METTL15: variants seen among roughly 807,000 people sequenced by gnomAD.
METTL15 encodes the protein methyltransferase 15, mitochondrial 12S rRNA N4-cytidine, also known as 12S rRNA N(4)-cytidine methyltransferase METTL15.
METTL15 carries 34 observed loss-of-function variants against 38.3 expected under a neutral mutation model. That is an observed-to-expected ratio of 0.89 (90% CI 0.68 to 1.18). The LOEUF is 1.18. Among genes scored for constraint, METTL15 ranks in the 50% most tolerant of loss-of-function variants. The pLI, the probability that METTL15 is intolerant of heterozygous loss-of-function variation, is 0.00. For missense variants in METTL15, 438 were observed against 498.4 expected, an observed-to-expected ratio of 0.88 and a Z score of 1.15; for synonymous variants, 162 against 170.9, an observed-to-expected ratio of 0.95 and a Z score of 0.41.
At chr11:28,467,408 C>T (rs970513169) in intron 6 of METTL15, among the ~76,000 whole-genome samples, 7 of 152,234 alleles carry the variant, frequency 4.6e-5, no homozygotes, top group African/African-American at 1.7e-4. Flanking sequence ...AGCTCCCAGG[C>T]CTTCGACAAG....
intron 6 of METTL15, among the ~76,000 whole-genome samples, chr11:28,493,620 C>T (rs1177920155): frequency 1.3e-5 from 2 of 152,142 alleles, no homozygotes; most frequent in Non-Finnish European, 2.9e-5. Flanking sequence ...TTTTGAAAAA[C>T]ATCAATTCAC....
chr11:28,491,743 T>G (rs1590393059), intron 6 of METTL15, among the ~76,000 whole-genome samples: 1 of 152,318 alleles, frequency 6.6e-6, no homozygotes, highest in East Asian at 1.9e-4. Flanking sequence ...CAATTAAATG[T>G]GAATTTCAGA....
At position 28,351,534 on chromosome 11, in the gene METTL15, G is replaced by C. The variant is rs1427204240; in HGVS notation, c.*190-556G>C. On this transcript the variant is annotated intron_variant and NMD_transcript_variant, in intron 3 of 7. Transcript: ENST00000532947. ...ATACCAATCTCTACCTCATTGGGAA[G>C]TCAATGAGTTAATTCATGTGAGAAA... 2.0e-5 allele frequency among the ~76,000 whole-genome samples: 3 copies of C among 152,232 alleles called. No individual in the cohort carries two copies. The East Asian group carries it at 5.8e-4, about 29-fold the overall frequency.
At chr11:28,311,694 G>C (rs1857309709) in intron 6 of METTL15, among the ~76,000 whole-genome samples, 1 of 152,104 alleles carries the variant, frequency 6.6e-6, no homozygotes, top group Admixed American at 6.5e-5. Flanking sequence ...GCAAAATATG[G>C]GTAGTAATAG....
In METTL15 at chr11:28,161,107, C is replaced by CTTT. The variant is rs10660185; in HGVS notation, c.270+47520_270+47522dup. Reference sequence around the variant, plus strand: ...GATATAGTCAGATGTTTGCACCTTCCTTTTTTTTTTTTTTTTTTTGTTTTT... The same window carrying CTTT: ...GATATAGTCAGATGTTTGCACCTTCCTTTTTTTTTTTTTTTTTTTTTTGTTTTT... On this transcript the variant is annotated intron_variant, in intron 3 of 6. Coordinates refer to ENST00000407364, the MANE Select transcript of METTL15 (RefSeq NM_001113528.2). 8.0e-3 allele frequency among the ~76,000 whole-genome samples: 1,056 copies of CTTT among 131,748 alleles called. 13 individuals are homozygous for CTTT. The highest frequency in any genetic ancestry group is 9.9e-3 in the Non-Finnish European group (626 of 63,254). The allele number at this position is 131,748 out of a possible 152,430, so 86.4% of individuals were successfully genotyped here. A position where few individuals can be genotyped will look rare whatever the true frequency, so the allele number is the denominator to read the frequency against.
chr11:28,208,832 G>A, intron 3 of METTL15, among the ~76,000 whole-genome samples: 1 of 151,968 alleles, frequency 6.6e-6, no homozygotes, highest in East Asian at 1.9e-4. Flanking sequence ...CTTTTCAATT[G>A]TGGTGCTGGT....
intron 6 of METTL15, among the ~76,000 whole-genome samples, chr11:28,465,738 G>A (rs531335831): frequency 3.3e-5 from 5 of 152,202 alleles, no homozygotes; most frequent in African/African-American, 9.6e-5. Flanking sequence ...CTATACTACA[G>A]CAAGATTCTC....
intron 3 of METTL15, among the ~76,000 whole-genome samples, chr11:28,339,143 G>A (rs1030255215): frequency 2.6e-5 from 4 of 152,044 alleles, no homozygotes; most frequent in Admixed American, 6.6e-5. Context: ...GAGTCCCTAA[G>A]TGCCTTTCAA....
intron 3 of METTL15, among the ~76,000 whole-genome samples, chr11:28,140,974 C>T (rs142597215): frequency 6.6e-6 from 1 of 152,314 alleles, no homozygotes; most frequent in East Asian, 1.9e-4. Flanking sequence ...AGCTGGCTAA[C>T]TCCTTTCATT....
At position 28,239,576 on chromosome 11, in the gene METTL15, T is replaced by TA. The variant is rs1326905695; in HGVS notation, c.407+28382dup. Among the ~76,000 whole-genome samples, 3 of 152,314 alleles carry TA rather than the reference T, an allele frequency of 2.0e-5. No homozygotes were observed. The East Asian group carries it at 5.8e-4, about 29-fold the overall frequency. On this transcript the variant is annotated intron_variant, in intron 4 of 6. Coordinates refer to ENST00000407364, the MANE Select transcript of METTL15 (RefSeq NM_001113528.2). ...CAGCCCCAGGACAAGTTATCCTTCT[T>TA]AAAAGCAAATTAGATCATGTTTTTC...
intron 5 of METTL15, among the ~76,000 whole-genome samples, chr11:28,363,298 C>T (rs957815731): frequency 6.6e-5 from 10 of 152,194 alleles, no homozygotes; most frequent in South Asian, 2.1e-4. Context: ...CTCAGCCTCC[C>T]GAGTAGCTGG....
chr11:28,231,320 A>G (rs1217778073), intron 4 of METTL15, among the ~76,000 whole-genome samples: 1 of 151,848 alleles, frequency 6.6e-6, no homozygotes, highest in Non-Finnish European at 1.5e-5. Flanking sequence ...CATTACAACA[A>G]ATAATTACAA....
At chr11:28,310,970 GT>G (rs1590305080) in intron 6 of METTL15, among the ~76,000 whole-genome samples, 5 of 134,590 alleles carry the variant, frequency 3.7e-5, no homozygotes, top group African/African-American at 1.6e-4. Context: ...TGGTGGGTGT[GT>G]GTGTGTGTGT....
chr11:28,267,195 G>A (rs12419356), intron 4 of METTL15, among the ~76,000 whole-genome samples: 2 of 145,216 alleles, frequency 1.4e-5, no homozygotes, highest in African/African-American at 5.0e-5. Flanking sequence ...AGTGAAGAAT[G>A]TACAGTGGCT....
intron 5 of METTL15, among the ~76,000 whole-genome samples, chr11:28,403,591 T>C (rs1197552270): frequency 6.6e-6 from 1 of 151,944 alleles, no homozygotes; most frequent in African/African-American, 2.4e-5. Flanking sequence ...CAGTATTAGG[T>C]GGAATATTGC....
At chr11:28,161,505 A>C (rs1850462961) in intron 3 of METTL15, among the ~76,000 whole-genome samples, 1 of 152,176 alleles carries the variant, frequency 6.6e-6, no homozygotes, top group Non-Finnish European at 1.5e-5. Context: ...TGTTAGAATA[A>C]GTAATAGCAG....
rs200629107 is a variant in METTL15, at chr11:28,214,047, C to CT, written c.407+2858dup. On this transcript the variant is annotated intron_variant, in intron 4 of 6. Coordinates refer to ENST00000407364, the MANE Select transcript of METTL15 (RefSeq NM_001113528.2). ...AATTTAGCATGATTTTAATACCCAT[C>CT]TTTTTTTTTATTGGAGACAAGTTTT... 4.5e-3 allele frequency among the ~76,000 whole-genome samples: 675 copies of CT among 151,132 alleles called. 8 individuals are homozygous for CT. The highest frequency in any genetic ancestry group is 0.014 in the African/African-American group (590 of 41,276).
intron 3 of METTL15, among the ~76,000 whole-genome samples, chr11:28,187,102 CT>C (rs1349294671): frequency 2.0e-5 from 3 of 151,104 alleles, no homozygotes; most frequent in Non-Finnish European, 4.5e-5. Flanking sequence ...TAATAGAAAG[CT>C]TCAAATTTCT....
chr11:28,235,103 A>G (rs1428638761), intron 4 of METTL15, among the ~76,000 whole-genome samples: 1 of 152,176 alleles, frequency 6.6e-6, no homozygotes, highest in African/African-American at 2.4e-5. Flanking sequence ...TTTGTCAAAT[A>G]TCAGATAGTT....
Sources: gnomAD v4.1 joint callset for allele counts (sites outside exome capture counted in the v4.1 genomes callset) on GRCh38, gnomAD v4.1.1 for gene constraint, MANE v1.5 for transcripts, NCBI Gene and HGNC (gene_info 2026-07-23, HGNC 2026-07-21) for gene names.